GRM4: variants seen among roughly 807,000 people sequenced by gnomAD.
GRM4 encodes metabotropic glutamate receptor 4.
Under a neutral mutation model 81.7 loss-of-function variants are expected in GRM4, and 28 were observed. That is an observed-to-expected ratio of 0.34 (90% CI 0.25 to 0.47). GRM4 has a LOEUF of 0.47. GRM4 is among the 20% of genes least tolerant of loss of function. The probability of loss-of-function intolerance (pLI) is 1.00; values close to 1 mark genes in which losing one functional copy is unlikely to be tolerated. For synonymous variants in GRM4, 488 were observed against 528.8 expected (o/e 0.92, Z 1.06); for missense variants, 948 against 1,290.0 (o/e 0.73, Z 4.06).
In GRM4 at chr6:34,131,961, A is replaced by C. The variant is rs570190004; in HGVS notation, c.519+1017T>G. Among the ~76,000 whole-genome samples the C allele has an allele frequency of 1.2e-4, 18 of 149,972 alleles. No homozygotes were observed. In the South Asian group the frequency reaches 3.6e-3, roughly 30 times the overall value. On this transcript the variant is annotated intron_variant, in intron 2 of 10. Transcript: ENST00000538487. Reference sequence around the variant, plus strand: ...CCTCCCTACACACACAAACATGCACAAACACACACACATGCACACACACAC... The same window carrying C: ...CCTCCCTACACACACAAACATGCACCAACACACACACATGCACACACACAC...
chr6:34,146,773 G>A (rs551506779), upstream of GRM4, among the ~76,000 whole-genome samples: 90 of 152,330 alleles, frequency 5.9e-4, no homozygotes, highest in South Asian at 8.5e-3. Context: ...TGTGCTTGAC[G>A]ATGCCCAGGC....
Position 34,022,825 on chromosome 6 carries a change from A to T in GRM4, c.2735T>A (p.Ile912Asn). ...QTYVTYTNHAI is the reference protein window; with the variant it reads ...QTYVTYTNHAN Reference sequence around the variant, plus strand: ...CTGCTCAGCTCCATGGACTCGCTAGATTGCATGGTTGGTGTAAGTGACGTA... The same window carrying T: ...CTGCTCAGCTCCATGGACTCGCTAGTTTGCATGGTTGGTGTAAGTGACGTA... Residue 912 changes from isoleucine (I) to asparagine (N), a missense_variant, in exon 11 of 11, where the codon ATC becomes AAC. Ile to Asn is a moderately radical substitution (Grantham distance 149). Transcript: ENST00000538487. The surrounding 1 kb of genome is among the most constrained non-coding windows in gnomAD (Gnocchi z 5.6). 6.2e-7 allele frequency: 1 copy of T among 1,613,754 alleles called. No homozygotes were observed. The highest frequency in any genetic ancestry group is 1.3e-5 in the African/African-American group (1 of 75,034).
rs1379517591 is a variant in GRM4 at position 34,074,128 on chromosome 6, G to A, written c.737-12100C>T. Among the ~76,000 whole-genome samples, 1 of 152,062 alleles carries A rather than the reference G, an allele frequency of 6.6e-6. No homozygotes were observed. ...GATCTCGAGGTGCAGGGGCGCCGAT[G>A]GGGAAGAAGAGGGGGACACAGACAT... is the stretch of plus-strand genomic sequence containing the variant. On this transcript the variant is annotated intron_variant, in intron 3 of 10. Coordinates refer to ENST00000538487, the MANE Select transcript of GRM4 (RefSeq NM_000841.4). This position sits in a 1 kb window ranked among gnomAD's most constrained non-coding sequence, Gnocchi z 4.9.
chr6:34,094,749 G>T (rs1018150822), intron 2 of GRM4, among the ~76,000 whole-genome samples: 9 of 152,114 alleles, frequency 5.9e-5, no homozygotes, highest in South Asian at 2.1e-4. Context: ...TCAGAAGCTT[G>T]TCCCTACTTC....
intron 10 of GRM4, among the ~76,000 whole-genome samples, chr6:34,027,195 G>A (rs1054116331): frequency 6.6e-6 from 1 of 152,204 alleles, no homozygotes; most frequent in African/African-American, 2.4e-5. Flanking sequence ...GCAGGAAAAG[G>A]GGGACACACA....
rs960479376 is a variant in GRM4, at chr6:34,019,584, T to C, written c.*3237A>G. 7 of 152,206 alleles carry C rather than the reference T, an allele frequency of 4.6e-5. No individual in the cohort carries two copies. Among genetic ancestry groups the C allele is most frequent in the Non-Finnish European group, 1.0e-4 (7 of 68,132 alleles). The allele number at this position is 152,206 out of a possible 1,614,324, so 9.4% of individuals were successfully genotyped here. On this transcript the variant is annotated 3_prime_UTR_variant, in exon 11 of 11. Transcript: ENST00000538487. ...AGAAGTTCCCCTGCTGGTTAGAAAG[T>C]GTGCTGTGGGGTGGGATGTCTGCTA...
rs114481205 is a variant in GRM4 at position 34,070,121 on chromosome 6, A to G, written c.737-8093T>C. Among the ~76,000 whole-genome samples the G allele has an allele frequency of 0.015, 2,298 of 151,864 alleles. 53 individuals are homozygous for G. The highest frequency in any genetic ancestry group is 0.049 in the African/African-American group (2,045 of 41,404). On this transcript the variant is annotated intron_variant, in intron 3 of 10. Transcript: ENST00000538487. This position sits in a 1 kb window ranked among gnomAD's most constrained non-coding sequence, Gnocchi z 4.6. ...GGCTCTGTAGGAGTTGGAGGTGAAC[A>G]CTCGCACCTGCTCACACGCTCCCAT...
chr6:34,133,000 G>A lies in GRM4; in HGVS notation c.497C>T (p.Ala166Val), dbSNP rs550743694. 1.9e-6 allele frequency: 3 copies of A among 1,608,064 alleles called. No homozygotes were observed. Among genetic ancestry groups the A allele is most frequent in the African/African-American group, 1.3e-5 (1 of 74,956 alleles). ...ASGSSVSIMV[A>V]NILRLFKIPQ... ...GACCTTGAAGAGGCGAAGGATGTTGGCCACCATGATGGAGACCGAGCTCCC... is the reference window on the plus strand; with the variant it reads ...GACCTTGAAGAGGCGAAGGATGTTGACCACCATGATGGAGACCGAGCTCCC... Residue 166 changes from alanine to valine, a missense_variant, in exon 2 of 11, where the codon GCC (alanine) becomes GTC (valine). Coordinates refer to ENST00000538487, the MANE Select transcript of GRM4 (RefSeq NM_000841.4).
At chr6:34,053,904 C>G (rs770625998) in intron 6 of GRM4, among the ~76,000 whole-genome samples, 45 of 152,336 alleles carry the variant, frequency 3.0e-4, no homozygotes, top group Non-Finnish European at 5.3e-4. Context: ...ACGGCCTAGG[C>G]CCCACCCCTA....
At position 34,040,326 on chromosome 6, in the gene GRM4, G is replaced by C; in HGVS notation, c.1370-12C>G. 6.2e-7 allele frequency: 1 copy of C among 1,613,344 alleles called. No homozygotes were observed. On this transcript the variant is annotated splice_polypyrimidine_tract_variant and intron_variant, in intron 7 of 10. Coordinates refer to ENST00000538487, the MANE Select transcript of GRM4 (RefSeq NM_000841.4). ...GTTCCCTGCGATGCCTGTAAGGGTG[G>C]GCGGGTGTCTTTGCAGAGCCTTTAC...
At position 34,035,710 on chromosome 6, in the gene GRM4, G is replaced by A; in HGVS notation, c.2400C>T (p.Ala800=). Residue 800 remains alanine (A), a synonymous_variant, in exon 9 of 11, where the codon GCC becomes GCT. Coordinates refer to ENST00000538487, the MANE Select transcript of GRM4 (RefSeq NM_000841.4). The surrounding 1 kb of genome is among the most constrained non-coding windows in gnomAD (Gnocchi z 6.6). ...TMYTTCIVWL[A]FIPIFFGTSQ... ...AGGTGCCAAAGAAGATGGGGATGAA[G>A]GCCAGCCAGACGATGCAAGTGGTGT... 2 of 1,594,686 alleles carry A rather than the reference G, an allele frequency of 1.3e-6. No homozygotes were observed. The highest frequency in any genetic ancestry group is 1.7e-6 in the Non-Finnish European group (2 of 1,165,014).
Position 34,104,631 on chromosome 6 carries a change from C to T in GRM4, c.520-12532G>A, listed in dbSNP as rs533763541. Among the ~76,000 whole-genome samples, 189 of 152,284 alleles carry T rather than the reference C, an allele frequency of 1.2e-3. 2 individuals are homozygous for T. Among genetic ancestry groups the T allele is most frequent in the African/African-American group, 4.0e-3 (166 of 41,550 alleles). ...CCTGCTCCCCACCTGGCACACACTG[C>T]GTGTCCATTCCCAGCCTCCTGCCCT... On this transcript the variant is annotated intron_variant, in intron 2 of 10. Transcript: ENST00000538487.
rs144130394 is a variant in GRM4, at chr6:34,057,815, C to T, written c.1028-1131G>A. 9.1e-4 allele frequency among the ~76,000 whole-genome samples: 138 copies of T among 152,262 alleles called. 1 individual carries two copies. The highest frequency in any genetic ancestry group is 6.2e-3 in the East Asian group (32 of 5,190). The stretch of plus-strand genomic sequence containing the variant: ...GCCCTGTGTATCCATCTACTAAATG[C>T]GGGGAAGAGTGCATCACAGGGATGC... On this transcript the variant is annotated intron_variant, in intron 5 of 10. Coordinates refer to ENST00000538487, the MANE Select transcript of GRM4 (RefSeq NM_000841.4).
intron 3 of GRM4, among the ~76,000 whole-genome samples, chr6:34,077,983 C>T (rs1353393923): frequency 6.6e-6 from 1 of 152,158 alleles, no homozygotes; most frequent in African/African-American, 2.4e-5. Flanking sequence ...CACACACTGC[C>T]AGGCACAGAG....
At chr6:34,029,061 G>A (rs1193825773) in intron 9 of GRM4, among the ~76,000 whole-genome samples, 1 of 152,210 alleles carries the variant, frequency 6.6e-6, no homozygotes. Context: ...TACAATAGTA[G>A]AGCCTTCCAG....
Position 34,070,412 on chromosome 6 carries a change from G to A in GRM4, c.737-8384C>T, listed in dbSNP as rs1020878107. Among the ~76,000 whole-genome samples the A allele has an allele frequency of 6.6e-6, 1 of 152,190 alleles. No individual in the cohort carries two copies. The highest frequency in any genetic ancestry group is 2.4e-5 in the African/African-American group (1 of 41,530). On this transcript the variant is annotated intron_variant, in intron 3 of 10. Transcript: ENST00000538487. This position sits in a 1 kb window ranked among gnomAD's most constrained non-coding sequence, Gnocchi z 4.6. ...TGCAAAGGATGAGCAAGTGAAGAAAGGTGCATGCTGGCTGTGCAAAGGCAC... is the reference window on the plus strand; with the variant it reads ...TGCAAAGGATGAGCAAGTGAAGAAAAGTGCATGCTGGCTGTGCAAAGGCAC...
chr6:34,117,832 A>C (rs1769657289), intron 2 of GRM4, among the ~76,000 whole-genome samples: 2 of 152,178 alleles, frequency 1.3e-5, no homozygotes, highest in South Asian at 4.1e-4. Flanking sequence ...GCATCTCCTC[A>C]TGGAGAGAGG....
intron 1 of GRM4, among the ~76,000 whole-genome samples, chr6:34,145,247 C>G (rs973084685): frequency 6.6e-6 from 1 of 151,604 alleles, no homozygotes; most frequent in African/African-American, 2.4e-5. Context: ...CGCCGCGGAG[C>G]CGCCCGGAGT....
chr6:34,089,591 G>A lies in GRM4; in HGVS notation c.736+2292C>T, dbSNP rs1768092473. On this transcript the variant is annotated intron_variant, in intron 3 of 10. Transcript: ENST00000538487. This position sits in a 1 kb window ranked among gnomAD's most constrained non-coding sequence, Gnocchi z 4.3. ...GCCCTCAGATGGTGCATGGGGTGTG[G>A]CAGGTATTGTGAGGGGCGCCTCTGC... Among the ~76,000 whole-genome samples the A allele has an allele frequency of 6.6e-6, 1 of 152,084 alleles. No homozygotes were observed. Among genetic ancestry groups the A allele is most frequent in the African/African-American group, 2.4e-5 (1 of 41,428 alleles).
Sources: allele counts gnomAD v4.1 joint callset (sites outside exome capture counted in the v4.1 genomes callset), GRCh38; gene constraint gnomAD v4.1.1; non-coding constraint Gnocchi (gnomAD v3.1); transcripts MANE v1.5; gene names NCBI Gene and HGNC (gene_info 2026-07-23, HGNC 2026-07-21).